Variants in MYO3B observed in about 807,000 individuals in gnomAD.
MYO3B encodes myosin IIIB, also known as myosin-IIIb.
Under a neutral mutation model 174.6 loss-of-function variants are expected in MYO3B, and 156 were observed. The observed-to-expected ratio is 0.89, with a 90% CI of 0.78 to 1.02. The LOEUF (loss-of-function observed/expected upper bound fraction) is 1.02, where lower values mean the gene tolerates loss of function less well. MYO3B is among the 50% of genes least tolerant of loss of function. The probability of loss-of-function intolerance (pLI) is 0.00; values close to 1 mark genes in which losing one functional copy is unlikely to be tolerated. For synonymous variants in MYO3B, 563 were observed against 569.1 expected (o/e 0.99, Z 0.15); for missense variants, 1,632 against 1,639.4 (o/e 1.00, Z 0.08).
Position 170,329,163 on chromosome 2 carries a change from A to C in MYO3B, c.750-6222A>C, listed in dbSNP as rs945098828. 2.0e-4 allele frequency among the ~76,000 whole-genome samples: 31 copies of C among 151,926 alleles called. No individual in the cohort carries two copies. In the South Asian group the frequency reaches 4.0e-3, roughly 19 times the overall value. On this transcript the variant is annotated intron_variant, in intron 7 of 34. Coordinates refer to ENST00000408978, the MANE Select transcript of MYO3B (RefSeq NM_138995.5). ...TGAGACTCTGTCTCCAAAAAAAAAA[A>C]TACTACTACTACTAATAATATATTG...
intron 16 of MYO3B, among the ~76,000 whole-genome samples, chr2:170,399,486 A>T (rs1180440611): frequency 1.4e-5 from 2 of 141,614 alleles, no homozygotes; most frequent in East Asian, 4.4e-4. Flanking sequence ...AAAAAAAAAA[A>T]AAGGTTAATT....
At chr2:170,422,329 A>G (rs1432484291) in intron 22 of MYO3B, among the ~76,000 whole-genome samples, 1 of 152,090 alleles carries the variant, frequency 6.6e-6, no homozygotes, top group Non-Finnish European at 1.5e-5. Context: ...CAGCCCCCCA[A>G]GTAGTTGAGA....
intron 8 of MYO3B, chr2:170,340,182 A>T (rs1350917413): frequency 6.6e-6 from 1 of 152,208 alleles, no homozygotes; most frequent in Non-Finnish European, 1.5e-5. Flanking sequence ...CATTGGTCAC[A>T]AGGTATTTGT....
intron 12 of MYO3B, among the ~76,000 whole-genome samples, chr2:170,384,415 T>C (rs1156248198): frequency 6.6e-6 from 1 of 152,214 alleles, no homozygotes; most frequent in Non-Finnish European, 1.5e-5. Flanking sequence ...TTTCAATAGG[T>C]ATATTTTTCT....
chr2:170,403,001 A>G lies in MYO3B; in HGVS notation c.2277+6A>G. 1 of 1,583,260 alleles carries G rather than the reference A, an allele frequency of 6.3e-7. No homozygotes were observed. The highest frequency in any genetic ancestry group is 8.6e-7 in the Non-Finnish European group (1 of 1,157,220). On this transcript the variant is annotated splice_donor_region_variant and intron_variant, in intron 19 of 34. Coordinates refer to ENST00000408978, the MANE Select transcript of MYO3B (RefSeq NM_138995.5). ...ATGTTTTTGCTCTTGAGCAGGTAAT[A>G]GTGAACTCTGAGGTAACTAAACTTG...
chr2:170,450,299 A>G (rs987660924), intron 23 of MYO3B, among the ~76,000 whole-genome samples: 1 of 152,254 alleles, frequency 6.6e-6, no homozygotes, highest in African/African-American at 2.4e-5. Context: ...GGGACCTAAT[A>G]TCTAAAAGAT....
At chr2:170,570,782 T>A (rs961402950) in intron 32 of MYO3B, among the ~76,000 whole-genome samples, 1 of 151,982 alleles carries the variant, frequency 6.6e-6, no homozygotes, top group African/African-American at 2.4e-5. Context: ...GATTTTTTTT[T>A]AGTGGTTTTT....
intron 19 of MYO3B, among the ~76,000 whole-genome samples, chr2:170,403,621 T>C (rs571889809): frequency 6.6e-6 from 1 of 152,356 alleles, no homozygotes; most frequent in Admixed American, 6.5e-5. Context: ...TATGAAGTAG[T>C]TGCAATAATG....
In MYO3B at chr2:170,383,802, C is replaced by T. The variant is rs765663740; in HGVS notation, c.1278C>T (p.Leu426=). The T allele has an allele frequency of 4.3e-6, 7 of 1,612,686 alleles. No individual in the cohort carries two copies. The highest frequency in any genetic ancestry group is 1.6e-4 in the Middle Eastern group (1 of 6,080). ...ADAAYQCMVT[L]SKDQCIVISG... ...CTGCTTACCAGTGCATGGTTACTCT[C>T]AGCAAAGACCAGGTAAGAACTCACC... Residue 426 remains leucine, a synonymous_variant, in exon 12 of 35, where the codon CTC becomes CTT. Coordinates refer to ENST00000408978, the MANE Select transcript of MYO3B (RefSeq NM_138995.5).
chr2:170,376,483 C>T (rs1267896762), intron 9 of MYO3B, among the ~76,000 whole-genome samples: 2 of 152,240 alleles, frequency 1.3e-5, no homozygotes, highest in Non-Finnish European at 2.9e-5. Context: ...GTATGGAATC[C>T]ATTGAATGTA....
intron 32 of MYO3B, among the ~76,000 whole-genome samples, chr2:170,618,500 C>G (rs116256544): frequency 6.6e-6 from 1 of 151,964 alleles, no homozygotes; most frequent in African/African-American, 2.4e-5. Flanking sequence ...GGTGCTTTTT[C>G]AGCAAATTTC....
intron 22 of MYO3B, among the ~76,000 whole-genome samples, chr2:170,425,528 G>C (rs1308290707): frequency 6.6e-6 from 1 of 152,180 alleles, no homozygotes; most frequent in Non-Finnish European, 1.5e-5. Flanking sequence ...ATTTCGCAAG[G>C]GACTTCAAGT....
chr2:170,343,910 T>C (rs923650058), intron 8 of MYO3B: 15 of 152,250 alleles, frequency 9.9e-5, no homozygotes, highest in African/African-American at 3.6e-4. Context: ...CTGTATGTAA[T>C]AGAAAACCCC....
intron 6 of MYO3B, among the ~76,000 whole-genome samples, chr2:170,220,041 G>T (rs918924515): frequency 6.6e-6 from 1 of 151,698 alleles, no homozygotes; most frequent in Non-Finnish European, 1.5e-5. Context: ...GGCAGATCAC[G>T]AGGTCAGGAG....
intron 7 of MYO3B, among the ~76,000 whole-genome samples, chr2:170,324,896 C>G (rs573764912): frequency 7.2e-5 from 11 of 152,248 alleles, no homozygotes; most frequent in African/African-American, 2.6e-4. Flanking sequence ...TCTTCTGGCA[C>G]CTAATCTGGT....
chr2:170,401,796 C>CTTTTTTTTTTTTTTTT lies in MYO3B; in HGVS notation c.2129+110_2129+111insTTTTTTTTTTTTTTTT, dbSNP rs1268110549. The CTTTTTTTTTTTTTTTT allele has an allele frequency of 3.1e-4, 250 of 794,338 alleles. 5 individuals are homozygous for CTTTTTTTTTTTTTTTT. In the African/African-American group the frequency reaches 4.3e-3, roughly 14 times the overall value. The allele number at this position is 794,338 out of a possible 1,614,324, so 49.2% of individuals were successfully genotyped here. A position where few individuals can be genotyped will look rare whatever the true frequency, so the allele number is the denominator to read the frequency against. ...TTTGGTCCTCTCTGGGATTTTCTTT[C>CTTTTTTTTTTTTTTTT]TTTTTCTTTTTTTTTTTTTTTGTGG... On this transcript the variant is annotated intron_variant, in intron 18 of 34. Coordinates refer to ENST00000408978, the MANE Select transcript of MYO3B (RefSeq NM_138995.5).
At chr2:170,325,870 A>T (rs1359675748) in intron 7 of MYO3B, among the ~76,000 whole-genome samples, 1 of 152,178 alleles carries the variant, frequency 6.6e-6, no homozygotes, top group Non-Finnish European at 1.5e-5. Flanking sequence ...ATTCTCCAAG[A>T]TCAGTTCTAT....
chr2:170,279,376 T>C (rs989317865), intron 7 of MYO3B, among the ~76,000 whole-genome samples: 7 of 152,134 alleles, frequency 4.6e-5, no homozygotes. Context: ...TGCATTTCCC[T>C]GATAATTAGT....
chr2:170,432,144 CTACT>C lies in MYO3B; in HGVS notation c.2651-11820_2651-11817del, dbSNP rs2094714479. 2.0e-5 allele frequency among the ~76,000 whole-genome samples: 3 copies of C among 152,080 alleles called. No individual in the cohort carries two copies. In the South Asian group the frequency reaches 6.2e-4, roughly 32 times the overall value. ...TAAGTTATTATTTTAGCATGTACTCCTACTTATTTTTTTTTAAGTTAACTATAAA... is the reference window on the plus strand; with the variant it reads ...TAAGTTATTATTTTAGCATGTACTCCTATTTTTTTTTAAGTTAACTATAAA... On this transcript the variant is annotated intron_variant, in intron 22 of 34. Transcript: ENST00000408978.
Sources: allele counts gnomAD v4.1 joint callset (sites outside exome capture counted in the v4.1 genomes callset), GRCh38; gene constraint gnomAD v4.1.1; transcripts MANE v1.5; gene names NCBI Gene and HGNC (gene_info 2026-07-23, HGNC 2026-07-21).